PCDH15: variants seen among roughly 807,000 people sequenced by gnomAD.
PCDH15 encodes protocadherin related 15, also known as protocadherin-15.
Under a neutral mutation model 178.5 loss-of-function variants are expected in PCDH15, and 129 were observed. The ratio of observed to expected loss-of-function variants is 0.72; its 90% CI spans 0.63 to 0.84. The LOEUF is 0.84. Ranked by LOEUF, PCDH15 falls within the 40% of genes least tolerant of loss-of-function variation. The probability of loss-of-function intolerance (pLI) is 0.00; values close to 1 mark genes in which losing one functional copy is unlikely to be tolerated. For missense variants in PCDH15, 2,230 were observed against 2,099.9 expected (o/e 1.06, Z -1.21); for synonymous variants, 800 against 732.0 (o/e 1.09, Z -1.50).
intron 2 of PCDH15, among the ~76,000 whole-genome samples, chr10:54,580,818 C>T (rs1320991454): frequency 6.6e-6 from 1 of 151,884 alleles, no homozygotes; most frequent in Non-Finnish European, 1.5e-5. Flanking sequence ...TGTGATTCAC[C>T]ACATAAACAA....
At chr10:53,924,248 A>C (rs2084275244) in intron 25 of PCDH15, among the ~76,000 whole-genome samples, 1 of 151,836 alleles carries the variant, frequency 6.6e-6, no homozygotes, top group Non-Finnish European at 1.5e-5. Flanking sequence ...TCCGGTGGGC[A>C]TGGGCTTGGT....
intron 2 of PCDH15, among the ~76,000 whole-genome samples, chr10:54,929,934 G>A (rs1195514565): frequency 6.6e-6 from 1 of 152,186 alleles, no homozygotes; most frequent in Non-Finnish European, 1.5e-5. Flanking sequence ...ATAGGATAAG[G>A]AAGTCTTCCG....
intron 3 of PCDH15, among the ~76,000 whole-genome samples, chr10:54,413,376 G>A (rs910055156): frequency 3.9e-5 from 6 of 152,162 alleles, no homozygotes; most frequent in African/African-American, 1.4e-4. Flanking sequence ...TAAAATTTCA[G>A]ATTCCTGGGG....
At chr10:53,994,680 A>C (rs999529335) in intron 21 of PCDH15, 2 of 152,112 alleles carry the variant, frequency 1.3e-5, no homozygotes, top group Non-Finnish European at 2.9e-5. Context: ...ATTTTAACAC[A>C]CTTAAGAAAA....
chr10:54,756,055 A>AC (rs1363018210), intron 1 of PCDH15, among the ~76,000 whole-genome samples: 5,450 of 38,890 alleles, frequency 0.14, 383 homozygotes, highest in African/African-American at 0.31. Context: ...TCTCTACTAA[A>AC]AACACACACA....
In PCDH15 at chr10:53,917,346, C is replaced by T. The variant is rs547915964; in HGVS notation, c.3374-13976G>A. On this transcript the variant is annotated intron_variant, in intron 25 of 37. Transcript: ENST00000644397. ...GACAAAATTATTATGTCTGAATAGA[C>T]CATTAAATGACCTCTGAATTCTTTG... Among the ~76,000 whole-genome samples the T allele has an allele frequency of 6.8e-4, 103 of 152,016 alleles. 2 individuals carry two copies. The Middle Eastern group carries it at 0.02, about 30-fold the overall frequency.
At chr10:54,755,875 C>T (rs764965298) in intron 1 of PCDH15, among the ~76,000 whole-genome samples, 28 of 152,004 alleles carry the variant, frequency 1.8e-4, no homozygotes, top group Non-Finnish European at 3.8e-4. Context: ...TATTACAGTG[C>T]GTAGAGCACA....
intron 9 of PCDH15, among the ~76,000 whole-genome samples, chr10:54,214,452 TAGTG>T (rs1382631967): frequency 1.3e-5 from 2 of 152,222 alleles, no homozygotes; most frequent in Non-Finnish European, 1.5e-5. Flanking sequence ...TTGTACCAAA[TAGTG>T]AGATGCTTGG....
chr10:55,434,805 C>A (rs983969180), intron 2 of PCDH15, among the ~76,000 whole-genome samples: 98 of 152,050 alleles, frequency 6.4e-4, no homozygotes, highest in African/African-American at 2.3e-3. Context: ...AGGGTTTCAC[C>A]ATATTGGCCA....
intron 2 of PCDH15, among the ~76,000 whole-genome samples, chr10:55,070,011 C>T (rs1168865279): frequency 2.0e-5 from 3 of 151,926 alleles, no homozygotes; most frequent in Non-Finnish European, 4.4e-5. Context: ...TTTTGATTTG[C>T]ATTTCTCTGA....
intron 23 of PCDH15, among the ~76,000 whole-genome samples, chr10:53,957,156 A>G (rs1311191766): frequency 6.6e-6 from 1 of 152,210 alleles, no homozygotes. Flanking sequence ...AGTTTAAGCA[A>G]TATATCACTT....
chr10:54,583,300 T>C (rs1020349448), intron 2 of PCDH15, among the ~76,000 whole-genome samples: 3 of 152,086 alleles, frequency 2.0e-5, no homozygotes, highest in African/African-American at 7.2e-5. Context: ...TACCAAACAA[T>C]TGAGGAATTA....
At chr10:55,401,115 C>T (rs994446793) in intron 2 of PCDH15, among the ~76,000 whole-genome samples, 11 of 152,054 alleles carry the variant, frequency 7.2e-5, no homozygotes, top group African/African-American at 2.7e-4. Context: ...AATATTGTTT[C>T]TATGGTAAAA....
intron 2 of PCDH15, among the ~76,000 whole-genome samples, chr10:55,483,333 A>G (rs1277245531): frequency 6.6e-6 from 1 of 151,870 alleles, no homozygotes; most frequent in African/African-American, 2.4e-5. Flanking sequence ...ACTCTTCAAA[A>G]GGAGATTTAC....
chr10:55,097,417 T>C (rs896936656), intron 2 of PCDH15, among the ~76,000 whole-genome samples: 2 of 152,096 alleles, frequency 1.3e-5, no homozygotes, highest in Non-Finnish European at 2.9e-5. Context: ...TTCTGACATA[T>C]TCAATAACAT....
intron 3 of PCDH15, among the ~76,000 whole-genome samples, chr10:54,390,550 C>G (rs188306076): frequency 2.6e-5 from 4 of 152,326 alleles, no homozygotes; most frequent in South Asian, 2.1e-4. Context: ...CCACCTCGGA[C>G]TCCCAAAGTG....
chr10:54,394,545 G>T (rs1355255089), intron 3 of PCDH15, among the ~76,000 whole-genome samples: 3 of 152,178 alleles, frequency 2.0e-5, no homozygotes, highest in African/African-American at 7.2e-5. Context: ...CAAGGTAATA[G>T]AATATCACAA....
chr10:54,241,263 C>T (rs2055261170), intron 8 of PCDH15, among the ~76,000 whole-genome samples: 1 of 152,182 alleles, frequency 6.6e-6, no homozygotes. Flanking sequence ...CTGTCGTCCT[C>T]ATTTCTCCTA....
intron 20 of PCDH15, among the ~76,000 whole-genome samples, chr10:54,001,291 A>T (rs2092122731): frequency 6.6e-6 from 1 of 152,208 alleles, no homozygotes; most frequent in African/African-American, 2.4e-5. Context: ...ACAGAGTATT[A>T]TAACACTGTA....
Sources: allele counts gnomAD v4.1 joint callset (sites outside exome capture counted in the v4.1 genomes callset), GRCh38; gene constraint gnomAD v4.1.1; transcripts MANE v1.5; gene names NCBI Gene and HGNC (gene_info 2026-07-23, HGNC 2026-07-21).